Variants in ASB2 observed in about 807,000 individuals in gnomAD.
The protein encoded by ASB2 is ankyrin repeat and SOCS box protein 2.
In ASB2, 58 loss-of-function variants were observed where a neutral mutation model predicts 62.4. The ratio of observed to expected loss-of-function variants is 0.93; its 90% CI spans 0.75 to 1.16. The LOEUF is 1.16. Ranked by LOEUF, ASB2 falls within the 50% of genes most tolerant of loss-of-function variation. The pLI is 0.00. For missense variants in ASB2, 928 were observed against 887.9 expected (o/e 1.05, Z -0.57); for synonymous variants, 386 against 385.3 (o/e 1.00, Z -0.02).
At position 93,951,093 on chromosome 14, in the gene ASB2, G is replaced by C. The variant is rs1888945655; in HGVS notation, c.786C>G (p.Ala262=). ...CGTAGGCGTTCTTGGATTCCACCTTGGCTCCTCCGCTCACCAGGATCTGCA... is the reference window on the plus strand; with the variant it reads ...CGTAGGCGTTCTTGGATTCCACCTTCGCTCCTCCGCTCACCAGGATCTGCA... The part of the protein sequence containing the change: ...EVMQILVSGG[A]KVESKNAYGI... The change falls in exon 6 of 10, where the codon GCC becomes GCG. Residue 262 remains alanine, a synonymous_variant. Transcript: ENST00000555019. The C allele has an allele frequency of 1.2e-6, 2 of 1,614,102 alleles. No individual in the cohort carries two copies. The highest frequency in any genetic ancestry group is 1.7e-6 in the Non-Finnish European group (2 of 1,180,054).
intron 6 of ASB2, among the ~76,000 whole-genome samples, chr14:93,949,629 A>G (rs542878840): frequency 6.6e-6 from 1 of 152,136 alleles, no homozygotes; most frequent in African/African-American, 2.4e-5. Context: ...TGCCCTGGAG[A>G]GCCTGGACCC....
chr14:93,962,276 G>A (rs1472998283), intron 2 of ASB2, among the ~76,000 whole-genome samples: 6 of 151,704 alleles, frequency 4.0e-5, no homozygotes, highest in East Asian at 3.9e-4. Flanking sequence ...CACTACGCCC[G>A]GCTAATTTTT....
rs1889526855 is a variant in ASB2 at position 93,964,597 on chromosome 14, A to G, written c.-58T>C. 1 of 1,490,790 alleles carries G rather than the reference A, an allele frequency of 6.7e-7. No individual in the cohort carries two copies. Among genetic ancestry groups the G allele is most frequent in the South Asian group, 1.2e-5 (1 of 83,214 alleles). 92.3% of individuals were successfully genotyped at this position (1,490,790 alleles called of 1,614,324 possible). A position where few individuals can be genotyped will look rare whatever the true frequency, so the allele number is the denominator to read the frequency against. ...AGACACCCAGTGGGGAGGAGGGAAC[A>G]GCAAATCAGAAAACCCTGTGAGGAA... is the stretch of plus-strand genomic sequence containing the variant. On this transcript the variant is annotated 5_prime_UTR_variant, in exon 2 of 10. Coordinates refer to ENST00000555019, the MANE Select transcript of ASB2 (RefSeq NM_001202429.2).
In ASB2 at chr14:93,947,418, G is replaced by C; in HGVS notation, c.983C>G (p.Ala328Gly). 6.2e-7 allele frequency: 1 copy of C among 1,614,206 alleles called. No individual in the cohort carries two copies. Among genetic ancestry groups the C allele is most frequent in the African/African-American group, 1.3e-5 (1 of 75,044 alleles). The change falls in exon 7 of 10, where the codon GCC (alanine) becomes GGC (glycine). Residue 328 changes from alanine to glycine, a missense_variant. Coordinates refer to ENST00000555019, the MANE Select transcript of ASB2 (RefSeq NM_001202429.2). Reference sequence around the variant, plus strand: ...GTCCTTGTTGGTCTTGTTGGCGTCGGCACCCTGTGACAGCAGAAACTCCAC... The same window carrying C: ...GTCCTTGTTGGTCTTGTTGGCGTCGCCACCCTGTGACAGCAGAAACTCCAC... ...EVVEFLLSQG[A>G]DANKTNKDGL...
In ASB2 at chr14:93,958,450, G is replaced by A. The variant is rs1192688389; in HGVS notation, c.207-1580C>T. On this transcript the variant is annotated intron_variant, in intron 2 of 9. Coordinates refer to ENST00000555019, the MANE Select transcript of ASB2 (RefSeq NM_001202429.2). ...AGGCCTGGCCTCTTCCTGCCTTTTC[G>A]TCCTCTCTCCAGCTCTCCGACCTCC... Among the ~76,000 whole-genome samples, 4 of 152,120 alleles carry A rather than the reference G, an allele frequency of 2.6e-5. No homozygotes were observed. In the East Asian group the frequency reaches 5.8e-4, roughly 22 times the overall value.
intron 1 of ASB2, among the ~76,000 whole-genome samples, chr14:93,965,475 G>A (rs116205434): frequency 5.3e-4 from 81 of 152,250 alleles, no homozygotes; most frequent in African/African-American, 1.8e-3. Context: ...TTAAAATAAC[G>A]TCCCATGTTA....
chr14:93,943,991 A>G (rs1888629268), intron 7 of ASB2: 1 of 456,122 alleles, frequency 2.2e-6, no homozygotes, highest in Non-Finnish European at 4.4e-6. Flanking sequence ...AGGCAGAAGT[A>G]AGGCCCAGAA....
At chr14:93,954,983 T>G (rs1244800547) in intron 3 of ASB2, 1 of 452,748 alleles carries the variant, frequency 2.2e-6, no homozygotes, top group African/African-American at 2.0e-5. Flanking sequence ...CTTCACAGTT[T>G]AAAACTTCTG....
chr14:93,935,019 GT>G (rs1221602418), intron 9 of ASB2, among the ~76,000 whole-genome samples: 1 of 152,170 alleles, frequency 6.6e-6, no homozygotes, highest in Non-Finnish European at 1.5e-5. Context: ...GCACAGCGTG[GT>G]TAGCACACCC....
intron 5 of ASB2, among the ~76,000 whole-genome samples, chr14:93,952,202 C>A (rs952429524): frequency 1.3e-5 from 2 of 152,234 alleles, no homozygotes; most frequent in Non-Finnish European, 2.9e-5. Flanking sequence ...CCTTCTTGAG[C>A]AGATGCTATG....
At position 93,934,536 on chromosome 14, in the gene ASB2, G is replaced by T; in HGVS notation, c.*120C>A. 2.0e-6 allele frequency: 2 copies of T among 999,014 alleles called. No homozygotes were observed. Among genetic ancestry groups the T allele is most frequent in the Non-Finnish European group, 3.0e-6 (2 of 659,144 alleles). 61.9% of individuals were successfully genotyped at this position (999,014 alleles called of 1,614,324 possible). On this transcript the variant is annotated 3_prime_UTR_variant, in exon 10 of 10. Coordinates refer to ENST00000555019, the MANE Select transcript of ASB2 (RefSeq NM_001202429.2). ...TGAGATCCTGGTAGCTGTCCAGGCT[G>T]AGAGGGAGGCAGCCTGCAGCCTCGT...
In ASB2 at chr14:93,964,507, C is replaced by T. The variant is rs1282466659; in HGVS notation, c.33G>A (p.Gln11=). 5 of 1,536,022 alleles carry T rather than the reference C, an allele frequency of 3.3e-6. No homozygotes were observed. The African/African-American group carries it at 5.5e-5, about 17-fold the overall frequency. Residue 11 remains glutamine, a synonymous_variant, in exon 2 of 10, where the codon CAG becomes CAA. Transcript: ENST00000555019. ...TGTACTCCTCCTGCCCAATGGTACA[C>T]TGGCTGCCCCGAGTGCTGATCTGCG... MATQISTRGS[Q]CTIGQEEYSL...
chr14:93,936,647 C>A (rs1476165821), intron 9 of ASB2, among the ~76,000 whole-genome samples: 1 of 152,222 alleles, frequency 6.6e-6, no homozygotes, highest in African/African-American at 2.4e-5. Flanking sequence ...AATCCTACAG[C>A]ACATTTGGGT....
intron 2 of ASB2, chr14:93,957,563 G>A (rs772304382): frequency 4.6e-5 from 10 of 217,590 alleles, no homozygotes; most frequent in Admixed American, 1.3e-4. Flanking sequence ...CTTAGTCCCC[G>A]CTCCTGCAAG....
At chr14:93,969,563 C>A (rs920151289) in intron 1 of ASB2, among the ~76,000 whole-genome samples, 2 of 152,154 alleles carry the variant, frequency 1.3e-5, no homozygotes, top group African/African-American at 4.8e-5. Flanking sequence ...GGGGGTTGGG[C>A]GGCCTTCTGG....
intron 1 of ASB2, among the ~76,000 whole-genome samples, chr14:93,966,776 G>A (rs1194167754): frequency 2.0e-5 from 3 of 152,100 alleles, no homozygotes; most frequent in Non-Finnish European, 4.4e-5. Context: ...CAAGGACCTG[G>A]TTCAGCCCTG....
chr14:93,954,259 G>C (rs1889087521), intron 4 of ASB2, 58 bp downstream of exon 4: 2 of 1,380,470 alleles, frequency 1.4e-6, no homozygotes, highest in African/African-American at 2.8e-5. Context: ...CCCAGGAGCG[G>C]CAGCCCTTCC....
In ASB2 at chr14:93,937,771, G is replaced by A. The variant is rs758623192; in HGVS notation, c.1698C>T (p.Asn566=). 5.0e-6 allele frequency: 8 copies of A among 1,613,386 alleles called. No individual in the cohort carries two copies. Among genetic ancestry groups the A allele is most frequent in the Admixed American group, 3.3e-5 (2 of 60,008 alleles). ...CCTTCAGCCGCGAGCAGAGCTGCAC[G>A]TTGCCCACGTAGTCCAGGAGGACAT... The part of the protein sequence containing the change: ...IIDVLLDYVG[N]VQLCSRLKEH... Residue 566 remains asparagine, a synonymous_variant, in exon 9 of 10, where the codon AAC becomes AAT. Coordinates refer to ENST00000555019, the MANE Select transcript of ASB2 (RefSeq NM_001202429.2).
At chr14:93,965,527 A>G (rs1889561504) in intron 1 of ASB2, among the ~76,000 whole-genome samples, 1 of 152,244 alleles carries the variant, frequency 6.6e-6, no homozygotes, top group Non-Finnish European at 1.5e-5. Context: ...AAAGAGTAAT[A>G]GACTCCAGTT....
Sources: allele counts gnomAD v4.1 joint callset (sites outside exome capture counted in the v4.1 genomes callset), GRCh38; gene constraint gnomAD v4.1.1; transcripts MANE v1.5; gene names NCBI Gene and HGNC (gene_info 2026-07-23, HGNC 2026-07-21).